The following CCDC7 variants were observed in gnomAD, a reference collection of about 807,000 sequenced individuals.
CCDC7 encodes coiled-coil domain containing 7, also known as coiled-coil domain-containing protein 7.
Under a neutral mutation model 196.9 loss-of-function variants are expected in CCDC7, and 183 were observed. That is an observed-to-expected ratio of 0.93 (90% CI 0.82 to 1.05). The LOEUF is 1.05. Among genes scored for constraint, CCDC7 ranks in the 50% least tolerant of loss-of-function variants. CCDC7 has a pLI of 0.00. For synonymous variants in CCDC7, 525 were observed against 484.6 expected (o/e 1.08, Z -1.10); for missense variants, 1,540 against 1,482.2 (o/e 1.04, Z -0.64).
chr10:32,847,623 G>A (rs948091998), intron 37 of CCDC7, among the ~76,000 whole-genome samples: 26 of 150,966 alleles, frequency 1.7e-4, no homozygotes, highest in Admixed American at 1.6e-3. Context: ...GGCCAAGGCG[G>A]GGGACCACTT....
intron 28 of CCDC7, among the ~76,000 whole-genome samples, chr10:32,766,302 C>T (rs762749124): frequency 2.6e-5 from 4 of 151,986 alleles, no homozygotes; most frequent in South Asian, 2.1e-4. Flanking sequence ...ATTAAGGCAA[C>T]GTATTCCTCA....
Position 32,511,261 on chromosome 10 carries a change from C to CA in CCDC7, c.873-6684_873-6683insA, listed in dbSNP as rs1554812867. On this transcript the variant is annotated intron_variant, in intron 9 of 41. Coordinates refer to ENST00000639629, the Ensembl canonical transcript of CCDC7. ...TGCCACAGAATTATTCTGTGGGGGGCGGGGGGGGCGGGGAAATGTACTTTT... is the reference window on the plus strand; with the variant it reads ...TGCCACAGAATTATTCTGTGGGGGGCAGGGGGGGGCGGGGAAATGTACTTTT... 2.9e-5 allele frequency: 11 copies of CA among 383,212 alleles called. 2 individuals are homozygous for CA. The highest frequency in any genetic ancestry group is 2.5e-4 in the South Asian group (8 of 32,328). The allele number at this position is 383,212 out of a possible 1,614,324, so 23.7% of individuals were successfully genotyped here.
rs59210601 is a variant in CCDC7, at chr10:32,592,779, T to A, written c.1801+8475T>A. Among the ~76,000 whole-genome samples the A allele has an allele frequency of 6.5e-3, 985 of 152,288 alleles. 13 individuals are homozygous for A. Among genetic ancestry groups the A allele is most frequent in the African/African-American group, 0.023 (948 of 41,560 alleles). ...GTGTTCTCATTGTTCAGTTCCCACC[T>A]GTGAGTGAGAACACGTGGTGTTTGG... On this transcript the variant is annotated intron_variant, in intron 18 of 41. Transcript: ENST00000639629.
chr10:32,771,420 A>G (rs535268518), intron 28 of CCDC7, among the ~76,000 whole-genome samples: 7 of 152,296 alleles, frequency 4.6e-5, no homozygotes, highest in Non-Finnish European at 1.0e-4. Context: ...CTTGGTTGAC[A>G]GTTATTCTGT....
intron 11 of CCDC7, among the ~76,000 whole-genome samples, chr10:32,520,773 G>A (rs1401859847): frequency 6.6e-6 from 1 of 152,048 alleles, no homozygotes; most frequent in Non-Finnish European, 1.5e-5. Flanking sequence ...TACTTGTGGA[G>A]TATTACTCAA....
intron 20 of CCDC7, among the ~76,000 whole-genome samples, chr10:32,641,439 C>T (rs1028647665): frequency 1.6e-4 from 25 of 152,140 alleles, no homozygotes; most frequent in Non-Finnish European, 2.6e-4. Flanking sequence ...TCTAGTTGAT[C>T]GAATCGGCTA....
At chr10:32,659,110 C>T (rs766084832) in intron 20 of CCDC7, among the ~76,000 whole-genome samples, 28 of 152,088 alleles carry the variant, frequency 1.8e-4, no homozygotes, top group Non-Finnish European at 2.9e-4. Context: ...TTTAGTGTTC[C>T]ATGACATGTA....
At position 32,610,032 on chromosome 10, in the gene CCDC7, G is replaced by GTA. The variant is rs763312146; in HGVS notation, c.1802-24221_1802-24220insAT. 1.1e-3 allele frequency among the ~76,000 whole-genome samples: 164 copies of GTA among 146,976 alleles called. 1 individual carries two copies. The highest frequency in any genetic ancestry group is 3.9e-3 in the Admixed American group (57 of 14,768). On this transcript the variant is annotated intron_variant, in intron 18 of 41. Transcript: ENST00000639629. Reference sequence around the variant, plus strand: ...TTTTTGCGTATGTGTATGTATGAGTGTGTGTGTGTGTGTGTGTGTGTGTGA... The same window carrying GTA: ...TTTTTGCGTATGTGTATGTATGAGTGTATGTGTGTGTGTGTGTGTGTGTGTGA...
At chr10:32,485,536 G>A (rs2040881661) in intron 8 of CCDC7, among the ~76,000 whole-genome samples, 1 of 152,112 alleles carries the variant, frequency 6.6e-6, no homozygotes, top group East Asian at 1.9e-4. Context: ...CCTTCTGCTA[G>A]CTTTTGAATG....
intron 32 of CCDC7, among the ~76,000 whole-genome samples, chr10:32,829,073 A>G (rs2091819054): frequency 6.6e-6 from 1 of 152,204 alleles, no homozygotes; most frequent in South Asian, 2.1e-4. Context: ...GACTATCAAG[A>G]TGAATTCAGT....
At chr10:32,661,677 G>A (rs1438244543) in intron 20 of CCDC7, among the ~76,000 whole-genome samples, 1 of 152,098 alleles carries the variant, frequency 6.6e-6, no homozygotes, top group Non-Finnish European at 1.5e-5. Context: ...TGTCATCCAG[G>A]AACTAAGGCC....
rs554734122 is a variant in CCDC7, at chr10:32,846,330, T to G, written c.3605-46T>G. On this transcript the variant is annotated intron_variant, in intron 36 of 41. Transcript: ENST00000639629. The stretch of plus-strand genomic sequence containing the variant: ...AACACACACGTATACACATGTATGG[T>G]AATGTTTACCTTATAAAGTATTTTG... The G allele has an allele frequency of 4.4e-6, 5 of 1,134,260 alleles. No individual in the cohort carries two copies. The South Asian group carries it at 5.4e-5, about 12-fold the overall frequency. The allele number at this position is 1,134,260 out of a possible 1,614,324, so 70.3% of individuals were successfully genotyped here. A position where few individuals can be genotyped will look rare whatever the true frequency, so the allele number is the denominator to read the frequency against.
chr10:32,450,243 C>T (rs1592719300), upstream of CCDC7, among the ~76,000 whole-genome samples: 1 of 152,176 alleles, frequency 6.6e-6, no homozygotes, highest in Admixed American at 6.5e-5. Flanking sequence ...CCTTGATATT[C>T]CTTAGCTTGC....
intron 28 of CCDC7, among the ~76,000 whole-genome samples, chr10:32,752,747 A>C (rs932762074): frequency 2.6e-5 from 4 of 152,202 alleles, no homozygotes; most frequent in Non-Finnish European, 4.4e-5. Context: ...ATGATATTAC[A>C]TATCTGTACC....
intron 18 of CCDC7, among the ~76,000 whole-genome samples, chr10:32,632,525 A>C (rs532193804): frequency 6.6e-6 from 1 of 151,756 alleles, no homozygotes; most frequent in East Asian, 1.9e-4. Flanking sequence ...CTAGCTTATA[A>C]GGTAGAAGTT....
chr10:32,466,222 A>G (rs1039476769), intron 5 of CCDC7, among the ~76,000 whole-genome samples: 10 of 143,530 alleles, frequency 7.0e-5, no homozygotes, highest in Non-Finnish European at 1.2e-4. Context: ...AAAGGTTTGT[A>G]TTATGTACTG....
chr10:32,444,099 T>G (rs1180687073), upstream of CCDC7, among the ~76,000 whole-genome samples: 1 of 151,580 alleles, frequency 6.6e-6, no homozygotes, highest in Non-Finnish European at 1.5e-5. Context: ...CTTGCCTTAT[T>G]GCACTTGTTA....
At chr10:32,845,416 C>A in intron 34 of CCDC7, 90 bp downstream of exon 35, 1 of 1,207,518 alleles carries the variant, frequency 8.3e-7, no homozygotes, top group Non-Finnish European at 1.2e-6. Context: ...AACAAAACTA[C>A]CTATATTATA....
intron 24 of CCDC7, among the ~76,000 whole-genome samples, chr10:32,700,278 G>T (rs889838079): frequency 3.3e-5 from 5 of 149,448 alleles, no homozygotes; most frequent in Non-Finnish European, 7.3e-5. Flanking sequence ...CATATGGCTA[G>T]CCAGTTTTCC....
Sources: gnomAD v4.1 joint callset for allele counts (sites outside exome capture counted in the v4.1 genomes callset) on GRCh38, gnomAD v4.1.1 for gene constraint, MANE v1.5 for transcripts, NCBI Gene and HGNC (gene_info 2026-07-23, HGNC 2026-07-21) for gene names.